Variants in GPR179 observed in about 807,000 individuals in gnomAD.
GPR179 encodes the protein probable G protein-coupled receptor 179.
A neutral mutation model predicts 70.8 loss-of-function variants in GPR179; 52 were observed. The observed-to-expected ratio is 0.73, with a 90% CI of 0.59 to 0.93. GPR179 has a LOEUF of 0.93. Ranked by LOEUF, GPR179 falls within the 40% of genes least tolerant of loss-of-function variation. The pLI is 0.00. For missense variants in GPR179, 2,734 were observed against 2,966.8 expected (o/e 0.92, Z 1.82); for synonymous variants, 1,123 against 1,169.0 (o/e 0.96, Z 0.80).
At chr17:38,333,170 C>T in intron 10 of GPR179, 81 bp downstream of exon 10, 1 of 1,326,670 alleles carries the variant, frequency 7.5e-7, no homozygotes, top group South Asian at 1.3e-5. Flanking sequence ...TGGCACATAG[C>T]CCAGGTGGCA....
chr17:38,333,458 C>A (rs2037377138), intron 9 of GPR179, 61 bp from the exon 10 acceptor site: 2 of 1,515,292 alleles, frequency 1.3e-6, no homozygotes, highest in Non-Finnish European at 1.8e-6. Context: ...CACTCCTGCA[C>A]TCACCTGCCC....
chr17:38,327,527 G>A lies in GPR179; in HGVS notation c.6042C>T (p.Ala2014=), dbSNP rs755920965. The A allele has an allele frequency of 8.1e-6, 13 of 1,613,808 alleles. No homozygotes were observed. In the Admixed American group the frequency reaches 2.0e-4, roughly 25 times the overall value. Residue 2014 remains alanine (A), a synonymous_variant, in exon 11 of 11, where the codon GCC becomes GCT. Coordinates refer to ENST00000616987, the MANE Select transcript of GPR179 (RefSeq NM_001004334.4). ...DAGVYKSDSS[A]KAETCPWEVT... ...CTTCCCAGGGACAGGTCTCAGCCTT[G>A]GCACTGCTGTCAGATTTATACACAC...
chr17:38,328,911 G>C lies in GPR179; in HGVS notation c.4658C>G (p.Ser1553Cys). The C allele has an allele frequency of 6.2e-7, 1 of 1,614,150 alleles. No individual in the cohort carries two copies. Among genetic ancestry groups the C allele is most frequent in the Non-Finnish European group, 8.5e-7 (1 of 1,180,032 alleles). Residue 1553 changes from serine to cysteine, a missense_variant, in exon 11 of 11, where the codon TCC becomes TGC. By Grantham distance (112) the Ser-to-Cys change is moderately radical (BLOSUM62 -1). Transcript: ENST00000616987. ...GAATTGGCTACCAGCTTTGGATGAG[G>C]AATTGTCTAGACATGGGCTGGAGTG... is the stretch of plus-strand genomic sequence containing the variant. ...PGHSSPCLDNSSSKAGSQFLC... is the reference protein window; with the variant it reads ...PGHSSPCLDNCSSKAGSQFLC...
Position 38,325,143 on chromosome 17 carries a change from T to C in GPR179, c.*1322A>G, listed in dbSNP as rs2037273869. Among the ~76,000 whole-genome samples the C allele has an allele frequency of 6.6e-6, 1 of 152,170 alleles. No homozygotes were observed. Among genetic ancestry groups the C allele is most frequent in the Non-Finnish European group, 1.5e-5 (1 of 68,020 alleles). ...TTGCCAATCTTGGGACTTCTTTGTA[T>C]GTTTTTCTCCTTCTTCCTTTCCCTC... On this transcript the variant is annotated 3_prime_UTR_variant, in exon 11 of 11. Coordinates refer to ENST00000616987, the MANE Select transcript of GPR179 (RefSeq NM_001004334.4).
At chr17:38,333,703 G>A (rs1643808027) in intron 9 of GPR179, among the ~76,000 whole-genome samples, 2 of 152,138 alleles carry the variant, frequency 1.3e-5, no homozygotes, top group Admixed American at 1.3e-4. Flanking sequence ...AGCTGCAGGA[G>A]GGAGCCCCTC....
rs751228403 is a variant in GPR179, at chr17:38,329,591, G to T, written c.3978C>A (p.Ala1326=). 3 of 1,613,526 alleles carry T rather than the reference G, an allele frequency of 1.9e-6. No individual in the cohort carries two copies. Among genetic ancestry groups the T allele is most frequent in the Non-Finnish European group, 2.5e-6 (3 of 1,179,942 alleles). Residue 1326 remains alanine (A), a synonymous_variant, in exon 11 of 11, where the codon GCC becomes GCA. Transcript: ENST00000616987. ...EQEAVCPWES[A]DRGGLSPGSA... ...ACCCAGGGGACAGACCTCCTCGATC[G>T]GCACTCTCCCAGGGACACACTGCTT...
In GPR179 at chr17:38,342,981, C is replaced by A; in HGVS notation, c.794+15G>T. 6.3e-7 allele frequency: 1 copy of A among 1,580,584 alleles called. No homozygotes were observed. The highest frequency in any genetic ancestry group is 1.2e-5 in the South Asian group (1 of 85,084). On this transcript the variant is annotated intron_variant, in intron 1 of 10. Coordinates refer to ENST00000616987, the MANE Select transcript of GPR179 (RefSeq NM_001004334.4). Reference sequence around the variant, plus strand: ...ATCCCCACACATGCATCAAATCCTGCACAAACCCACTTACCTGACTTCTGG... The same window carrying A: ...ATCCCCACACATGCATCAAATCCTGAACAAACCCACTTACCTGACTTCTGG...
chr17:38,328,650 C>T lies in GPR179; in HGVS notation c.4919G>A (p.Gly1640Glu). Residue 1640 changes from glycine to glutamate, a missense_variant, in exon 11 of 11, where the codon GGG becomes GAG. Coordinates refer to ENST00000616987, the MANE Select transcript of GPR179 (RefSeq NM_001004334.4). The stretch of plus-strand genomic sequence containing the variant: ...GACCGCTTCTTGCTTTTGGATCTGC[C>T]CCTCAGGCTTTTCCCAAGCTGTGAC... ...EDVTAWEKPE[G>E]QIQKQEAVGP... 6.2e-7 allele frequency: 1 copy of T among 1,614,178 alleles called. No individual in the cohort carries two copies. The highest frequency in any genetic ancestry group is 8.5e-7 in the Non-Finnish European group (1 of 1,180,032).
intron 9 of GPR179, 85 bp downstream of exon 9, chr17:38,333,848 A>G (rs1265513409): frequency 2.0e-6 from 2 of 1,023,928 alleles, no homozygotes; most frequent in East Asian, 2.5e-5. Flanking sequence ...CCTGGCCTGC[A>G]GAGGGCGCTG....
Position 38,337,209 on chromosome 17 carries a change from T to C in GPR179, c.996A>G (p.Leu332=), listed in dbSNP as rs2037413408. The change falls in exon 4 of 11, where the codon TTA becomes TTG. Residue 332 remains leucine (L), a synonymous_variant. Transcript: ENST00000616987. ...GFYGASPSGG[L]EESDFQTTGQ... The stretch of plus-strand genomic sequence containing the variant: ...CGGTAGTCTGGAAGTCACTCTCCTC[T>C]AACCCTATAAAGAACAAGATGAGTG... 2 of 1,609,380 alleles carry C rather than the reference T, an allele frequency of 1.2e-6. No homozygotes were observed. The highest frequency in any genetic ancestry group is 1.1e-5 in the South Asian group (1 of 90,362).
rs139623082 is a variant in GPR179, at chr17:38,328,012, T to G, written c.5557A>C (p.Thr1853Pro). Residue 1853 changes from threonine (T) to proline (P), a missense_variant, in exon 11 of 11, where the codon ACT (threonine) becomes CCT (proline). Thr to Pro is a conservative substitution (Grantham distance 38). Coordinates refer to ENST00000616987, the MANE Select transcript of GPR179 (RefSeq NM_001004334.4). ...REKALEKGRL[T>P]SLGEDVSKGM... Reference sequence around the variant, plus strand: ...TTTGATACGTCTTCTCCCAGGGAAGTGAGTCTCCCCTTTTCTAGAGCTTTC... The same window carrying G: ...TTTGATACGTCTTCTCCCAGGGAAGGGAGTCTCCCCTTTTCTAGAGCTTTC... 4 of 1,614,088 alleles carry G rather than the reference T, an allele frequency of 2.5e-6. No individual in the cohort carries two copies. The highest frequency in any genetic ancestry group is 3.4e-6 in the Non-Finnish European group (4 of 1,179,956).
chr17:38,332,756 T>A (rs1472927778), intron 10 of GPR179, among the ~76,000 whole-genome samples: 1 of 152,242 alleles, frequency 6.6e-6, no homozygotes, highest in Non-Finnish European at 1.5e-5. Flanking sequence ...ACCACAGACA[T>A]GTACCACCAT....
Position 38,329,251 on chromosome 17 carries a change from C to A in GPR179, c.4318G>T (p.Ala1440Ser). Residue 1440 changes from alanine (A) to serine (S), a missense_variant, in exon 11 of 11, where the codon GCA becomes TCA. Physicochemically the swap from Ala to Ser is moderately conservative, Grantham distance 99. Coordinates refer to ENST00000616987, the MANE Select transcript of GPR179 (RefSeq NM_001004334.4). ...WESTDFRGPS[A>S]VSIQAPGSSE... Reference sequence around the variant, plus strand: ...CTTCCTGGGGCCTGAATTGAGACTGCTGAGGGGCCCCGGAAATCTGTACTC... The same window carrying A: ...CTTCCTGGGGCCTGAATTGAGACTGATGAGGGGCCCCGGAAATCTGTACTC... 1 of 1,613,624 alleles carries A rather than the reference C, an allele frequency of 6.2e-7. No individual in the cohort carries two copies. Among genetic ancestry groups the A allele is most frequent in the Non-Finnish European group, 8.5e-7 (1 of 1,179,762 alleles).
intron 10 of GPR179, 56 bp from the exon 11 acceptor site, chr17:38,331,587 G>A: frequency 6.5e-7 from 1 of 1,541,990 alleles, no homozygotes; most frequent in Non-Finnish European, 8.8e-7. Context: ...CCATCCCCTG[G>A]CTGTCTGTTC....
Position 38,331,564 on chromosome 17 carries a change from A to G in GPR179, c.2038-33T>C, listed in dbSNP as rs781175278. 38 of 1,568,318 alleles carry G rather than the reference A, an allele frequency of 2.4e-5. 1 individual carries two copies. The Admixed American group carries it at 5.3e-4, about 22-fold the overall frequency. On this transcript the variant is annotated intron_variant, in intron 10 of 10. Coordinates refer to ENST00000616987, the MANE Select transcript of GPR179 (RefSeq NM_001004334.4). ...GCAGCAGGGAGGAAAGCAGGGCTGC[A>G]GGTGAGCTCTCTCCATCCCCTGGCT... is the stretch of plus-strand genomic sequence containing the variant.
intron 1 of GPR179, among the ~76,000 whole-genome samples, chr17:38,340,820 A>T (rs1328059077): frequency 1.3e-5 from 2 of 152,216 alleles, no homozygotes; most frequent in Non-Finnish European, 2.9e-5. Context: ...CAGGAGGCTG[A>T]GGCAGGAGAA....
chr17:38,341,165 A>C (rs1259144994), intron 1 of GPR179, among the ~76,000 whole-genome samples: 3 of 152,104 alleles, frequency 2.0e-5, no homozygotes, highest in African/African-American at 7.2e-5. Context: ...CAGTATTATG[A>C]ATGTTCACTG....
intron 2 of GPR179, among the ~76,000 whole-genome samples, chr17:38,338,043 T>C (rs2037421058): frequency 6.6e-6 from 1 of 152,226 alleles, no homozygotes; most frequent in Admixed American, 6.5e-5. Flanking sequence ...GGCAAGGTAC[T>C]GGGGGAGATG....
chr17:38,331,345 C>T lies in GPR179; in HGVS notation c.2224G>A (p.Gly742Ser). 6.2e-7 allele frequency: 1 copy of T among 1,612,180 alleles called. No homozygotes were observed. The highest frequency in any genetic ancestry group is 8.5e-7 in the Non-Finnish European group (1 of 1,179,484). ...RQHSRDSGSP[G>S]HGSLPGSSRR... The stretch of plus-strand genomic sequence containing the variant: ...GAGGAGCCGGGCAGGCTGCCGTGGC[C>T]TGGGGATCCTGAGTCCCGGGAGTGC... The change falls in exon 11 of 11, where the codon GGC becomes AGC. Residue 742 changes from glycine (G) to serine (S), a missense_variant. Coordinates refer to ENST00000616987, the MANE Select transcript of GPR179 (RefSeq NM_001004334.4).
Sources: allele counts gnomAD v4.1 joint callset (sites outside exome capture counted in the v4.1 genomes callset), GRCh38; gene constraint gnomAD v4.1.1; transcripts MANE v1.5; gene names NCBI Gene and HGNC (gene_info 2026-07-23, HGNC 2026-07-21).